The following NEK11 variants were observed in gnomAD, a reference collection of about 807,000 sequenced individuals.
NEK11 encodes the protein NIMA related kinase 11.
NEK11 carries 72 observed loss-of-function variants against 80.7 expected under a neutral mutation model. That is an observed-to-expected ratio of 0.89 (90% CI 0.74 to 1.08). The LOEUF is 1.08. Ranked by LOEUF, NEK11 falls within the 50% of genes least tolerant of loss-of-function variation. The pLI, the probability that NEK11 is intolerant of heterozygous loss-of-function variation, is 0.00. For synonymous variants in NEK11, 251 were observed against 260.7 expected (o/e 0.96, Z 0.36); for missense variants, 764 against 763.6 (o/e 1.00, Z -0.01).
chr3:131,128,365 C>A (rs2083743280), intron 5 of NEK11, among the ~76,000 whole-genome samples: 1 of 152,090 alleles, frequency 6.6e-6, no homozygotes, highest in South Asian at 2.1e-4. Flanking sequence ...TTGTTGTCTC[C>A]ATAGTTTAAC....
At chr3:131,250,622 G>A (rs990554657) in intron 16 of NEK11, among the ~76,000 whole-genome samples, 1 of 152,030 alleles carries the variant, frequency 6.6e-6, no homozygotes, top group Admixed American at 6.6e-5. Context: ...GAGGTTAAGG[G>A]GATTCCCAGA....
rs2064485542 is a variant in NEK11 at position 131,029,654 on chromosome 3, A to T, written c.-55A>T. 1.3e-6 allele frequency: 2 copies of T among 1,531,444 alleles called. No individual in the cohort carries two copies. The highest frequency in any genetic ancestry group is 2.7e-5 in the African/African-American group (2 of 73,020). 94.9% of individuals were successfully genotyped at this position (1,531,444 alleles called of 1,614,324 possible). ...GATGAATTTGACCATTTCTTAGGAG[A>T]CTGGAATGTTAAGTTTCTATAAATG... On this transcript the variant is annotated 5_prime_UTR_variant, in exon 3 of 18. Coordinates refer to ENST00000383366, the MANE Select transcript of NEK11 (RefSeq NM_024800.5).
chr3:131,195,700 A>G (rs137979324), intron 14 of NEK11, among the ~76,000 whole-genome samples: 12 of 151,642 alleles, frequency 7.9e-5, no homozygotes, highest in Non-Finnish European at 1.6e-4. Context: ...CCATGAGTTG[A>G]TGCTGAAACA....
At chr3:131,152,202 G>GT (rs372446615) in intron 7 of NEK11, among the ~76,000 whole-genome samples, 186 bp from the exon 8 acceptor site, 1,977 of 145,548 alleles carry the variant, frequency 0.014, 31 homozygotes, top group African/African-American at 0.036. Context: ...CACTTTTTTG[G>GT]TTTTTTTTTT....
chr3:131,146,498 A>G (rs1046349858), intron 7 of NEK11, among the ~76,000 whole-genome samples: 1 of 152,210 alleles, frequency 6.6e-6, no homozygotes, highest in African/African-American at 2.4e-5. Context: ...TAACTCTACT[A>G]TTCTGTGTAA....
At position 131,254,868 on chromosome 3, in the gene NEK11, A is replaced by T. The variant is rs1004879521; in HGVS notation, c.1621+11372A>T. 5.3e-5 allele frequency among the ~76,000 whole-genome samples: 8 copies of T among 152,140 alleles called. No homozygotes were observed. The South Asian group carries it at 6.2e-4, about 12-fold the overall frequency. ...AACCCCGTCTCTACTAAAAATACAA[A>T]AATTAGCCAGGCATTATGGCGGGTG... On this transcript the variant is annotated intron_variant, in intron 16 of 17. Transcript: ENST00000383366.
chr3:131,094,518 A>G (rs2077165455), intron 4 of NEK11, among the ~76,000 whole-genome samples: 1 of 152,150 alleles, frequency 6.6e-6, no homozygotes, highest in Admixed American at 6.5e-5. Flanking sequence ...AGCTTTGCCT[A>G]ATACCATTGT....
intron 9 of NEK11, among the ~76,000 whole-genome samples, chr3:131,153,722 C>T (rs2090118912): frequency 6.6e-6 from 1 of 152,138 alleles, no homozygotes; most frequent in African/African-American, 2.4e-5. Flanking sequence ...GTGCTGACAC[C>T]AGGGGATGCC....
intron 17 of NEK11, among the ~76,000 whole-genome samples, chr3:131,334,379 A>G (rs1301693908): frequency 6.6e-6 from 1 of 152,066 alleles, no homozygotes; most frequent in Non-Finnish European, 1.5e-5. Context: ...TGGGTACATA[A>G]TGAAATGAAG....
chr3:131,246,887 A>G (rs181531918), intron 16 of NEK11, among the ~76,000 whole-genome samples: 9 of 152,034 alleles, frequency 5.9e-5, no homozygotes, highest in Admixed American at 5.2e-4. Context: ...ATTTTTTCAT[A>G]TGCTTGTTGG....
chr3:131,258,371 C>T (rs1205273360), intron 16 of NEK11, among the ~76,000 whole-genome samples: 1 of 152,166 alleles, frequency 6.6e-6, no homozygotes, highest in Admixed American at 6.5e-5. Context: ...ACTGCTGATA[C>T]ACTTTCCTTA....
At chr3:131,045,981 T>G (rs928545377) in intron 3 of NEK11, among the ~76,000 whole-genome samples, 4 of 152,192 alleles carry the variant, frequency 2.6e-5, no homozygotes, top group African/African-American at 9.6e-5. Context: ...CCCCTTTACC[T>G]TAAGTTTACA....
intron 5 of NEK11, among the ~76,000 whole-genome samples, chr3:131,121,469 G>C (rs1013624892): frequency 6.6e-6 from 1 of 152,240 alleles, no homozygotes; most frequent in African/African-American, 2.4e-5. Flanking sequence ...TCCGTTCTCA[G>C]ATCTCAAACT....
Position 131,349,684 on chromosome 3 carries a change from A to C in NEK11, c.1846A>C (p.Ser616Arg), listed in dbSNP as rs777118952. Residue 616 changes from serine to arginine, a missense_variant, in exon 18 of 18, where the codon AGC (serine) becomes CGC (arginine). Coordinates refer to ENST00000383366, the MANE Select transcript of NEK11 (RefSeq NM_024800.5). Reference sequence around the variant, plus strand: ...TTTGGAAAAAGTGGTGCCTCAAGCCAGCGACTGTTTTGAAGTGGACCAGCT... The same window carrying C: ...TTTGGAAAAAGTGGTGCCTCAAGCCCGCGACTGTTTTGAAGTGGACCAGCT... ...ECLEKVVPQASDCFEVDQLLY... is the reference protein window; with the variant it reads ...ECLEKVVPQARDCFEVDQLLY... The C allele has an allele frequency of 1.2e-6, 2 of 1,614,108 alleles. No individual in the cohort carries two copies. Among genetic ancestry groups the C allele is most frequent in the South Asian group, 2.2e-5 (2 of 91,084 alleles).
chr3:131,267,671 G>T (rs984919834), intron 16 of NEK11, among the ~76,000 whole-genome samples: 1 of 151,976 alleles, frequency 6.6e-6, no homozygotes. Flanking sequence ...CCCTTTGTGG[G>T]TAACCTGACC....
At chr3:131,278,413 A>G (rs2096337475) in intron 17 of NEK11, among the ~76,000 whole-genome samples, 1 of 152,206 alleles carries the variant, frequency 6.6e-6, no homozygotes, top group Admixed American at 6.5e-5. Flanking sequence ...TAGATAAATG[A>G]TGAATGGATA....
At chr3:131,068,967 A>G (rs931794125) in intron 3 of NEK11, among the ~76,000 whole-genome samples, 2 of 152,172 alleles carry the variant, frequency 1.3e-5, no homozygotes, top group African/African-American at 4.8e-5. Context: ...CTATAGTTAA[A>G]AAGTTGTAGC....
rs374085275 is a variant in NEK11, at chr3:131,210,540, G to A, written c.1400-17988G>A. Among the ~76,000 whole-genome samples, 8 of 152,270 alleles carry A rather than the reference G, an allele frequency of 5.3e-5. No individual in the cohort carries two copies. In the East Asian group the frequency reaches 1.2e-3, roughly 22 times the overall value. ...TCCTGGATATCCTTGTTAACTTTCTGTCTCATTGTTCTGCCTAATGTTGAC... is the reference window on the plus strand; with the variant it reads ...TCCTGGATATCCTTGTTAACTTTCTATCTCATTGTTCTGCCTAATGTTGAC... On this transcript the variant is annotated intron_variant, in intron 14 of 17. Transcript: ENST00000383366.
At chr3:131,197,867 C>G (rs530213144) in intron 14 of NEK11, among the ~76,000 whole-genome samples, 1 of 152,224 alleles carries the variant, frequency 6.6e-6, no homozygotes, top group East Asian at 1.9e-4. Flanking sequence ...CTTTTGACTT[C>G]AATATCTGCT....
Sources: allele counts gnomAD v4.1 joint callset (sites outside exome capture counted in the v4.1 genomes callset), GRCh38; gene constraint gnomAD v4.1.1; transcripts MANE v1.5; gene names NCBI Gene and HGNC (gene_info 2026-07-23, HGNC 2026-07-21).